The following DHX16 variants were observed in gnomAD, a reference collection of about 807,000 sequenced individuals.
The protein encoded by DHX16 is pre-mRNA-splicing factor ATP-dependent RNA helicase DHX16.
In DHX16, 81 loss-of-function variants were observed where a neutral mutation model predicts 131.2. The observed-to-expected ratio is 0.62, with a 90% CI of 0.52 to 0.74. The LOEUF (loss-of-function observed/expected upper bound fraction) is 0.74, where lower values mean the gene tolerates loss of function less well. Ranked by LOEUF, DHX16 falls within the 30% of genes least tolerant of loss-of-function variation. The probability of loss-of-function intolerance (pLI) is 0.00; values close to 1 mark genes in which losing one functional copy is unlikely to be tolerated. For synonymous variants in DHX16, 440 were observed against 520.2 expected (o/e 0.85, Z 2.10); for missense variants, 980 against 1,363.1 (o/e 0.72, Z 4.43).
intron 7 of DHX16, among the ~76,000 whole-genome samples, chr6:30,664,289 G>T (rs533375779): frequency 4.0e-4 from 61 of 151,670 alleles, no homozygotes; most frequent in African/African-American, 1.4e-3. Flanking sequence ...TTCGAGAGCA[G>T]CCTGGCCAAC....
intron 19 of DHX16, 116 bp downstream of exon 19, chr6:30,654,573 GATGTCTTTCTATTTTAC>G (rs1293243643): frequency 2.2e-6 from 2 of 897,694 alleles, no homozygotes; most frequent in Non-Finnish European, 3.2e-6. Flanking sequence ...AAAAACAAAG[GATGTCTTTCTATTTTAC>G]CCTACCTTCC....
intron 4 of DHX16, among the ~76,000 whole-genome samples, chr6:30,669,680 G>A (rs866549779): frequency 4.8e-5 from 7 of 144,800 alleles, no homozygotes; most frequent in African/African-American, 1.6e-4. Context: ...AGCCGAGATC[G>A]CATCATTGCA....
At chr6:30,663,966 A>G (rs1768763425) in intron 7 of DHX16, among the ~76,000 whole-genome samples, 2 of 151,950 alleles carry the variant, frequency 1.3e-5, no homozygotes, top group Non-Finnish European at 2.9e-5. Context: ...TGGAGGTTGC[A>G]GTGAGTCAAG....
At chr6:30,661,792 A>G in intron 9 of DHX16, 1 of 717,852 alleles carries the variant, frequency 1.4e-6, no homozygotes, top group Non-Finnish European at 2.6e-6. Flanking sequence ...CCATTCCACA[A>G]AGCAGGCTGG....
chr6:30,658,706 G>A (rs1426584663), intron 12 of DHX16, among the ~76,000 whole-genome samples: 1 of 151,730 alleles, frequency 6.6e-6, no homozygotes, highest in East Asian at 2.0e-4. Flanking sequence ...GCGAGACTCT[G>A]TCTCAAAAAA....
chr6:30,666,530 G>A (rs568588940), intron 4 of DHX16, among the ~76,000 whole-genome samples: 22 of 152,200 alleles, frequency 1.4e-4, no homozygotes, highest in Non-Finnish European at 2.4e-4. Context: ...GTGGCTGGGT[G>A]GGCGTGGTGA....
At chr6:30,661,628 A>G in intron 9 of DHX16, 1 of 646,698 alleles carries the variant, frequency 1.5e-6, no homozygotes, top group Non-Finnish European at 2.9e-6. Flanking sequence ...GTTTCCTCCT[A>G]ACTCAGTTAT....
chr6:30,653,462 T>C, intron 19 of DHX16, 92 bp from the exon 20 acceptor site: 1 of 1,405,812 alleles, frequency 7.1e-7, no homozygotes, highest in East Asian at 2.4e-5. Flanking sequence ...AAACAGAGTC[T>C]TGCTCTATTG....
chr6:30,667,574 T>G (rs1364786766), intron 4 of DHX16, among the ~76,000 whole-genome samples: 1 of 138,954 alleles, frequency 7.2e-6, no homozygotes, highest in Non-Finnish European at 1.5e-5. Context: ...AGAGCGAGAC[T>G]CTGTCTCAAA....
In DHX16 at chr6:30,670,347, C is replaced by G; in HGVS notation, c.666+63G>C. ...TTCCTCTGTATCCTCTCTCCCTATA[C>G]ACTCTATCAGAAAGTCTTTCCTTTT... is the stretch of plus-strand genomic sequence containing the variant. On this transcript the variant is annotated intron_variant, in intron 4 of 19. Transcript: ENST00000376442. This position sits in a 1 kb window ranked among gnomAD's most constrained non-coding sequence, Gnocchi z 4.4. The G allele has an allele frequency of 2.0e-6, 3 of 1,503,432 alleles. No individual in the cohort carries two copies. Among genetic ancestry groups the G allele is most frequent in the Middle Eastern group, 1.7e-4 (1 of 5,854 alleles). The allele number at this position is 1,503,432 out of a possible 1,614,324, so 93.1% of individuals were successfully genotyped here.
rs1428781894 is a variant in DHX16 at position 30,670,226 on chromosome 6, C to T, written c.666+184G>A. On this transcript the variant is annotated intron_variant, in intron 4 of 19. Coordinates refer to ENST00000376442, the MANE Select transcript of DHX16 (RefSeq NM_003587.5). This position sits in a 1 kb window ranked among gnomAD's most constrained non-coding sequence, Gnocchi z 4.4. ...CTTCCCCCTACAACTTAAGAAGGAT[C>T]CTTCCCTCAACAACATAAGTCTATC... Among the ~76,000 whole-genome samples the T allele has an allele frequency of 6.6e-6, 1 of 152,076 alleles. No homozygotes were observed. Among genetic ancestry groups the T allele is most frequent in the African/African-American group, 2.4e-5 (1 of 41,404 alleles).
rs764970919 is a variant in DHX16 at position 30,659,485 on chromosome 6, G to A, written c.1994C>T (p.Pro665Leu). ...TCTCCAACTGACCTTTCGTGCCCCA[G>A]GTGGTGTGGGCTGGAAGATACGGGC... is the stretch of plus-strand genomic sequence containing the variant. ...MQARIFQPTP[P>L]GARKVVVATN... Residue 665 changes from proline (P) to leucine (L), a missense_variant, in exon 12 of 20, where the codon CCT becomes CTT. Coordinates refer to ENST00000376442, the MANE Select transcript of DHX16 (RefSeq NM_003587.5). 1 of 1,596,268 alleles carries A rather than the reference G, an allele frequency of 6.3e-7. No individual in the cohort carries two copies. Among genetic ancestry groups the A allele is most frequent in the South Asian group, 1.1e-5 (1 of 88,652 alleles).
chr6:30,653,164 A>T lies in DHX16; in HGVS notation c.*78T>A. 1 of 1,496,612 alleles carries T rather than the reference A, an allele frequency of 6.7e-7. No individual in the cohort carries two copies. The highest frequency in any genetic ancestry group is 9.0e-7 in the Non-Finnish European group (1 of 1,115,280). The allele number at this position is 1,496,612 out of a possible 1,614,324, so 92.7% of individuals were successfully genotyped here. On this transcript the variant is annotated 3_prime_UTR_variant, in exon 20 of 20. Coordinates refer to ENST00000376442, the MANE Select transcript of DHX16 (RefSeq NM_003587.5). Reference sequence around the variant, plus strand: ...ATGTTCCCACAAGCTTTATTCCAAAAATAATTTTATTTAATAGGTATTAAA... The same window carrying T: ...ATGTTCCCACAAGCTTTATTCCAAATATAATTTTATTTAATAGGTATTAAA...
chr6:30,656,966 T>C lies in DHX16; in HGVS notation c.2134A>G (p.Thr712Ala). The change falls in exon 13 of 20, where the codon ACA becomes GCA. Residue 712 changes from threonine (T) to alanine (A), a missense_variant. Coordinates refer to ENST00000376442, the MANE Select transcript of DHX16 (RefSeq NM_003587.5). This position sits in a 1 kb window ranked among gnomAD's most constrained non-coding sequence, Gnocchi z 5.1. The stretch of plus-strand genomic sequence containing the variant: ...CCCAGGCTGACCTTGCTGCAGGGTG[T>C]GACAGTGAGCGATTCCATGCCTGTG... ...PRTGMESLTV[T>A]PCSKASANQR... is the part of the protein sequence containing the mutation. 2 of 1,612,718 alleles carry C rather than the reference T, an allele frequency of 1.2e-6. No individual in the cohort carries two copies. The highest frequency in any genetic ancestry group is 1.7e-6 in the Non-Finnish European group (2 of 1,179,854).
Position 30,656,063 on chromosome 6 carries a change from C to G in DHX16, c.2498+135G>C. ...CTTGTGGGCCTCAAAAGGGGGCAAT[C>G]AGAGTTATCTAATACTTTATTATGT... On this transcript the variant is annotated intron_variant, in intron 16 of 19. Transcript: ENST00000376442. This position sits in a 1 kb window ranked among gnomAD's most constrained non-coding sequence, Gnocchi z 5.1. 2.3e-6 allele frequency: 2 copies of G among 874,274 alleles called. No individual in the cohort carries two copies. The highest frequency in any genetic ancestry group is 1.5e-5 in the South Asian group (1 of 65,898). 54.2% of individuals were successfully genotyped at this position (874,274 alleles called of 1,614,324 possible). A position where few individuals can be genotyped will look rare whatever the true frequency, so the allele number is the denominator to read the frequency against.
chr6:30,655,643 G>A (rs770792084), intron 16 of DHX16, 46 bp from the exon 17 acceptor site: 3 of 1,603,084 alleles, frequency 1.9e-6, no homozygotes, highest in South Asian at 2.2e-5. Context: ...AGACACATAG[G>A]AACAGATATG....
At position 30,660,149 on chromosome 6, in the gene DHX16, G is replaced by A. The variant is rs372684823; in HGVS notation, c.1638C>T (p.Leu546=). Residue 546 remains leucine (L), a synonymous_variant, in exon 10 of 20, where the codon CTC becomes CTT. Coordinates refer to ENST00000376442, the MANE Select transcript of DHX16 (RefSeq NM_003587.5). Reference sequence around the variant, plus strand: ...TTGTGGCTGAAGCCACCAGGACCTTGAGCTCAGGTCGGAAGCGAGCAACAT... The same window carrying A: ...TTGTGGCTGAAGCCACCAGGACCTTAAGCTCAGGTCGGAAGCGAGCAACAT... ...IKDVARFRPE[L]KVLVASATMD... 4 of 1,607,204 alleles carry A rather than the reference G, an allele frequency of 2.5e-6. No individual in the cohort carries two copies. Among genetic ancestry groups the A allele is most frequent in the Non-Finnish European group, 3.4e-6 (4 of 1,176,820 alleles).
At position 30,670,656 on chromosome 6, in the gene DHX16, C is replaced by T; in HGVS notation, c.609+134G>A. 7.5e-7 allele frequency: 1 copy of T among 1,336,458 alleles called. No homozygotes were observed. Among genetic ancestry groups the T allele is most frequent in the Non-Finnish European group, 1.0e-6 (1 of 964,316 alleles). The allele number at this position is 1,336,458 out of a possible 1,614,324, so 82.8% of individuals were successfully genotyped here. A position where few individuals can be genotyped will look rare whatever the true frequency, so the allele number is the denominator to read the frequency against. On this transcript the variant is annotated intron_variant, in intron 3 of 19. Transcript: ENST00000376442. This position sits in a 1 kb window ranked among gnomAD's most constrained non-coding sequence, Gnocchi z 4.4. ...TAGCCACAGGATGCACAGGGCTTCT[C>T]TCACCACAGAGGTGAACATCTCACT...
In DHX16 at chr6:30,656,990, T is replaced by A. The variant is rs1242508214; in HGVS notation, c.2110A>T (p.Thr704Ser). The A allele has an allele frequency of 3.7e-6, 6 of 1,612,876 alleles. No homozygotes were observed. Among genetic ancestry groups the A allele is most frequent in the Non-Finnish European group, 4.2e-6 (5 of 1,180,022 alleles). ...FCKQKSYNPRTGMESLTVTPC... is the reference protein window; with the variant it reads ...FCKQKSYNPRSGMESLTVTPC... ...GTGACAGTGAGCGATTCCATGCCTGTGCGGGGGTTGTAGCTCTTCTGCTTA... is the reference window on the plus strand; with the variant it reads ...GTGACAGTGAGCGATTCCATGCCTGAGCGGGGGTTGTAGCTCTTCTGCTTA... The change falls in exon 13 of 20, where the codon ACA (threonine) becomes TCA (serine). Residue 704 changes from threonine to serine, a missense_variant. This residue lies in a region of DHX16 where 309 missense variants were observed against 537.1 expected (regional missense o/e 0.58). Coordinates refer to ENST00000376442, the MANE Select transcript of DHX16 (RefSeq NM_003587.5). This position sits in a 1 kb window ranked among gnomAD's most constrained non-coding sequence, Gnocchi z 5.1.
Sources: allele counts gnomAD v4.1 joint callset (sites outside exome capture counted in the v4.1 genomes callset), GRCh38; gene constraint gnomAD v4.1.1; regional missense constraint gnomAD v4.1.1; non-coding constraint Gnocchi (gnomAD v3.1); transcripts MANE v1.5; gene names NCBI Gene and HGNC (gene_info 2026-07-23, HGNC 2026-07-21).